PEPD: variants seen among roughly 807,000 people sequenced by gnomAD.
PEPD encodes the protein peptidase D, also known as xaa-Pro dipeptidase.
A neutral mutation model predicts 60.7 loss-of-function variants in PEPD; 53 were observed. The observed-to-expected ratio is 0.87, with a 90% CI of 0.70 to 1.10. The LOEUF (loss-of-function observed/expected upper bound fraction) is 1.10, where lower values mean the gene tolerates loss of function less well. Ranked by LOEUF, PEPD falls within the 50% of genes least tolerant of loss-of-function variation. The pLI is 0.00. For missense variants in PEPD, 711 were observed against 711.9 expected (o/e 1.00, Z 0.01); for synonymous variants, 267 against 284.1 (o/e 0.94, Z 0.60).
In PEPD at chr19:33,434,703, G is replaced by A. The variant is rs114781344; in HGVS notation, c.672-21060C>T. Among the ~76,000 whole-genome samples the A allele has an allele frequency of 5.2e-3, 794 of 152,256 alleles. 9 individuals carry two copies. Among genetic ancestry groups the A allele is most frequent in the African/African-American group, 0.018 (763 of 41,538 alleles). On this transcript the variant is annotated intron_variant, in intron 9 of 14. Transcript: ENST00000244137. ...AACCCAACCCCATTTACTGGGTGGGGAGAAAGCTGCCACCCAGGGTGTCCA... is the reference window on the plus strand; with the variant it reads ...AACCCAACCCCATTTACTGGGTGGGAAGAAAGCTGCCACCCAGGGTGTCCA...
At chr19:33,431,031 T>C (rs1245119276) in intron 9 of PEPD, among the ~76,000 whole-genome samples, 2 of 152,066 alleles carry the variant, frequency 1.3e-5, no homozygotes, top group Non-Finnish European at 2.9e-5. Context: ...GAGGACTGCT[T>C]GAGCCCAGGA....
intron 11 of PEPD, among the ~76,000 whole-genome samples, chr19:33,405,464 ATGTGCAGCT>A (rs1968599453): frequency 6.6e-6 from 1 of 152,234 alleles, no homozygotes; most frequent in Non-Finnish European, 1.5e-5. Context: ...GCAGACTCCG[ATGTGCAGCT>A]GCCCTGGTCA....
At chr19:33,486,482 G>A (rs1049460618) in intron 6 of PEPD, among the ~76,000 whole-genome samples, 1 of 151,962 alleles carries the variant, frequency 6.6e-6, no homozygotes, top group East Asian at 1.9e-4. Context: ...TCATCACACC[G>A]AGCCACATCA....
chr19:33,414,970 C>T (rs1314754766), intron 9 of PEPD, among the ~76,000 whole-genome samples: 3 of 152,230 alleles, frequency 2.0e-5, no homozygotes, highest in African/African-American at 7.2e-5. Context: ...TTCCACCTCG[C>T]TCCTGGGAGT....
intron 11 of PEPD, among the ~76,000 whole-genome samples, chr19:33,406,422 C>A (rs1968625805): frequency 6.6e-6 from 1 of 152,230 alleles, no homozygotes; most frequent in South Asian, 2.1e-4. Context: ...GATGGGACGG[C>A]CATGCCTGTG....
intron 12 of PEPD, among the ~76,000 whole-genome samples, chr19:33,394,880 C>T (rs1353673518): frequency 2.6e-5 from 4 of 152,348 alleles, no homozygotes; most frequent in African/African-American, 7.2e-5. Flanking sequence ...TCCCGAAGCA[C>T]CCCTGCACCT....
chr19:33,414,844 G>T (rs186786962), intron 9 of PEPD, among the ~76,000 whole-genome samples: 31 of 152,336 alleles, frequency 2.0e-4, no homozygotes, highest in African/African-American at 7.2e-4. Context: ...GGGTATCTGC[G>T]AGTGAAATAT....
intron 9 of PEPD, among the ~76,000 whole-genome samples, chr19:33,422,664 C>T (rs1969046451): frequency 1.3e-5 from 2 of 151,552 alleles, no homozygotes; most frequent in East Asian, 1.9e-4. Context: ...TATCATCCAT[C>T]TACCCATCCA....
intron 3 of PEPD, among the ~76,000 whole-genome samples, chr19:33,509,990 A>G (rs975377789): frequency 2.6e-5 from 4 of 152,188 alleles, no homozygotes; most frequent in African/African-American, 4.8e-5. Context: ...CACCCAGCAT[A>G]TCAGCGATGG....
intron 9 of PEPD, among the ~76,000 whole-genome samples, chr19:33,414,064 C>T (rs1249901901): frequency 6.6e-6 from 1 of 152,206 alleles, no homozygotes; most frequent in East Asian, 1.9e-4. Context: ...CAGAGGCCAC[C>T]ACCCACCCTG....
At chr19:33,509,154 G>A (rs534058597) in intron 3 of PEPD, among the ~76,000 whole-genome samples, 131 of 152,334 alleles carry the variant, frequency 8.6e-4, no homozygotes, top group Non-Finnish European at 1.5e-3. Flanking sequence ...GGATTCCACC[G>A]GGAATGGGAT....
chr19:33,501,906 T>C (rs1054816788), intron 3 of PEPD, among the ~76,000 whole-genome samples: 1 of 152,082 alleles, frequency 6.6e-6, no homozygotes, highest in African/African-American at 2.4e-5. Flanking sequence ...TCAGTATTAC[T>C]CAATGTGATG....
chr19:33,387,312 GC>G lies in PEPD; in HGVS notation c.*31del. The G allele has an allele frequency of 6.2e-7, 1 of 1,612,402 alleles. No individual in the cohort carries two copies. On this transcript the variant is annotated 3_prime_UTR_variant, in exon 15 of 15. Coordinates refer to ENST00000244137, the MANE Select transcript of PEPD (RefSeq NM_000285.4). Reference sequence around the variant, plus strand: ...TCACGAAAAGAGGTTGCAAGGCCAGGCCCCCAGGTGCGCTGGGATTTCTGGC... The same window carrying G: ...TCACGAAAAGAGGTTGCAAGGCCAGGCCCCAGGTGCGCTGGGATTTCTGGC...
At chr19:33,506,113 T>A (rs1970801518) in intron 3 of PEPD, among the ~76,000 whole-genome samples, 2 of 96,658 alleles carry the variant, frequency 2.1e-5, no homozygotes, top group Middle Eastern at 0.013. Flanking sequence ...CACACCCTCA[T>A]TACACCCTAC....
In PEPD at chr19:33,521,776, G is replaced by A. The variant is rs755783697; in HGVS notation, c.-16C>T. ...CCGCCGCCATGTTCGCCCGGCACCG[G>A]CGTCACGTGAAGTGCGGCGTCAGCT... On this transcript the variant is annotated 5_prime_UTR_variant, in exon 1 of 15. Transcript: ENST00000244137. 3.8e-6 allele frequency: 6 copies of A among 1,572,606 alleles called. 1 individual carries two copies. In the South Asian group the frequency reaches 4.6e-5, roughly 12 times the overall value.
intron 9 of PEPD, among the ~76,000 whole-genome samples, chr19:33,432,736 T>C (rs1420116635): frequency 6.6e-6 from 1 of 152,224 alleles, no homozygotes; most frequent in Non-Finnish European, 1.5e-5. Flanking sequence ...GACAGAAATC[T>C]CGGATTCAGC....
Position 33,512,737 on chromosome 19 carries a change from C to G in PEPD, c.57G>C (p.Pro19=). The change falls in exon 2 of 15, where the codon CCG becomes CCC. Residue 19 remains proline (P), a synonymous_variant. Coordinates refer to ENST00000244137, the MANE Select transcript of PEPD (RefSeq NM_000285.4). ...GCCGGTTCAAGGCAAAGAGCGCCAG[C>G]GGCACCTTCAGGGTTTCATTCCCCA... is the stretch of plus-strand genomic sequence containing the variant. ...FWLGNETLKV[P]LALFALNRQR... The G allele has an allele frequency of 6.2e-7, 1 of 1,614,140 alleles. No homozygotes were observed. Among genetic ancestry groups the G allele is most frequent in the Admixed American group, 1.7e-5 (1 of 60,032 alleles).
chr19:33,489,279 G>A (rs1212120650), intron 6 of PEPD, among the ~76,000 whole-genome samples: 1 of 152,196 alleles, frequency 6.6e-6, no homozygotes, highest in Non-Finnish European at 1.5e-5. Flanking sequence ...GGACAGCAGG[G>A]GACACAGGGG....
chr19:33,429,731 G>GA (rs1969230857), intron 9 of PEPD, among the ~76,000 whole-genome samples: 1 of 152,232 alleles, frequency 6.6e-6, no homozygotes, highest in Non-Finnish European at 1.5e-5. Context: ...ATCAAATTGG[G>GA]AAAAATATTT....
Sources: gnomAD v4.1 joint callset for allele counts (sites outside exome capture counted in the v4.1 genomes callset) on GRCh38, gnomAD v4.1.1 for gene constraint, MANE v1.5 for transcripts, NCBI Gene and HGNC (gene_info 2026-07-23, HGNC 2026-07-21) for gene names.